ST8SIA2: variants seen among roughly 807,000 people sequenced by gnomAD.
ST8SIA2 encodes alpha-2,8-sialyltransferase 8B.
ST8SIA2 carries 22 observed loss-of-function variants against 37.6 expected under a neutral mutation model. The ratio of observed to expected loss-of-function variants is 0.58; its 90% confidence interval spans 0.42 to 0.83. The LOEUF is 0.83. Ranked by LOEUF, ST8SIA2 falls within the 40% of genes least tolerant of loss-of-function variation. The pLI is 0.00. For missense variants in ST8SIA2, 382 were observed against 484.7 expected (o/e 0.79, Z 1.99); for synonymous variants, 205 against 201.2 (o/e 1.02, Z -0.16).
chr15:92,413,075 A>G (rs1364829865), intron 1 of ST8SIA2, among the ~76,000 whole-genome samples: 1 of 152,048 alleles, frequency 6.6e-6, no homozygotes, highest in Non-Finnish European at 1.5e-5. Flanking sequence ...CGTTTGTTTC[A>G]TGTCCCCAAA....
chr15:92,445,414 A>G (rs145159631), intron 5 of ST8SIA2, among the ~76,000 whole-genome samples: 1 of 152,348 alleles, frequency 6.6e-6, no homozygotes, highest in East Asian at 1.9e-4. Flanking sequence ...AAATGAGATA[A>G]TGTACGTGAA....
At position 92,464,392 on chromosome 15, in the gene ST8SIA2, C is replaced by A. The variant is rs767818040; in HGVS notation, c.*7C>A. 6.2e-7 allele frequency: 1 copy of A among 1,613,130 alleles called. No homozygotes were observed. Among genetic ancestry groups the A allele is most frequent in the Non-Finnish European group, 8.5e-7 (1 of 1,180,030 alleles). On this transcript the variant is annotated 3_prime_UTR_variant, in exon 6 of 6. Coordinates refer to ENST00000268164, the MANE Select transcript of ST8SIA2 (RefSeq NM_006011.4). The stretch of plus-strand genomic sequence containing the variant: ...GTGCGATGGGGCCACGTAGGGTGGG[C>A]ACCCCATGGGACTCAGTGGCTCACA...
At chr15:92,462,946 C>G (rs1437077194) in intron 5 of ST8SIA2, among the ~76,000 whole-genome samples, 2 of 152,168 alleles carry the variant, frequency 1.3e-5, no homozygotes, top group Admixed American at 6.5e-5. Flanking sequence ...GGATGTTTTC[C>G]CACTTTGGGA....
Position 92,464,474 on chromosome 15 carries a change from C to T in ST8SIA2, c.*89C>T. The T allele has an allele frequency of 4.2e-6, 6 of 1,442,634 alleles. No individual in the cohort carries two copies. Among genetic ancestry groups the T allele is most frequent in the Non-Finnish European group, 5.8e-6 (6 of 1,026,290 alleles). The allele number at this position is 1,442,634 out of a possible 1,614,324, so 89.4% of individuals were successfully genotyped here. ...AGTCGGGGTGGCACAAACAATAGAA[C>T]AAGCAGGCTAGTGGTTTTCTTTGTT... On this transcript the variant is annotated 3_prime_UTR_variant, in exon 6 of 6. Transcript: ENST00000268164.
chr15:92,394,378 C>T (rs1354026455), intron 1 of ST8SIA2, among the ~76,000 whole-genome samples: 1 of 151,946 alleles, frequency 6.6e-6, no homozygotes, highest in Non-Finnish European at 1.5e-5. Flanking sequence ...TGTCCCCGGG[C>T]GGGGTTCACG....
In ST8SIA2 at chr15:92,444,807, C is replaced by G. The variant is rs747961515; in HGVS notation, c.720C>G (p.Ile240Met). Residue 240 changes from isoleucine (I) to methionine (M), a missense_variant, in exon 5 of 6, where the codon ATC becomes ATG. Ile to Met is a conservative substitution (Grantham distance 10). Coordinates refer to ENST00000268164, the MANE Select transcript of ST8SIA2 (RefSeq NM_006011.4). ...GCCTCAATGGCAGCATCCTGTGGAT[C>G]CCTGCCTTCATGGCCCGGGGCGGCA... ...LHSLNGSILW[I>M]PAFMARGGKE... is the part of the protein sequence containing the mutation. 6.2e-7 allele frequency: 1 copy of G among 1,614,176 alleles called. No individual in the cohort carries two copies. The highest frequency in any genetic ancestry group is 1.1e-5 in the South Asian group (1 of 91,088).
At chr15:92,398,172 T>C (rs1272560547) in intron 1 of ST8SIA2, among the ~76,000 whole-genome samples, 1 of 151,980 alleles carries the variant, frequency 6.6e-6, no homozygotes, top group Admixed American at 6.5e-5. Context: ...AGAAAGAAAC[T>C]CACTGAGCCT....
intron 4 of ST8SIA2, among the ~76,000 whole-genome samples, chr15:92,440,402 G>GGAC (rs1253641442): frequency 6.6e-6 from 1 of 152,168 alleles, no homozygotes; most frequent in Non-Finnish European, 1.5e-5. Context: ...GCACCCCAGG[G>GGAC]GACGCCACTG....
At chr15:92,438,648 C>T (rs758818319) in intron 4 of ST8SIA2, 38 bp downstream of exon 4, 18 of 1,556,072 alleles carry the variant, frequency 1.2e-5, no homozygotes, top group Middle Eastern at 1.7e-4. Context: ...GCCAGAGCGG[C>T]GGGCAGGCTG....
intron 1 of ST8SIA2, among the ~76,000 whole-genome samples, chr15:92,427,891 G>A (rs1322413515): frequency 6.6e-6 from 1 of 152,238 alleles, no homozygotes; most frequent in Admixed American, 6.5e-5. Context: ...GCTGAGGCAC[G>A]AGAATCACTT....
At chr15:92,395,321 T>C (rs1243395752) in intron 1 of ST8SIA2, among the ~76,000 whole-genome samples, 1 of 152,208 alleles carries the variant, frequency 6.6e-6, no homozygotes, top group Non-Finnish European at 1.5e-5. Context: ...GTTACTTCAT[T>C]TGTTATCTGT....
intron 4 of ST8SIA2, among the ~76,000 whole-genome samples, chr15:92,442,359 G>T (rs890062073): frequency 1.3e-5 from 2 of 152,174 alleles, no homozygotes; most frequent in African/African-American, 4.8e-5. Context: ...ATTACCCACA[G>T]CATCTTCCAG....
chr15:92,445,804 G>T, intron 5 of ST8SIA2, among the ~76,000 whole-genome samples: 1 of 152,114 alleles, frequency 6.6e-6, no homozygotes, highest in East Asian at 1.9e-4. Context: ...TTCCTATCAA[G>T]AAGTCCATGT....
At chr15:92,429,580 G>T (rs1469385879) in intron 1 of ST8SIA2, among the ~76,000 whole-genome samples, 1 of 152,214 alleles carries the variant, frequency 6.6e-6, no homozygotes, top group Non-Finnish European at 1.5e-5. Context: ...TAACCTTGCT[G>T]CCTCTGTTGA....
intron 5 of ST8SIA2, among the ~76,000 whole-genome samples, chr15:92,448,236 A>C (rs2049856274): frequency 6.6e-6 from 1 of 152,216 alleles, no homozygotes. Flanking sequence ...CAGGGGGAGA[A>C]GAAGGGGAAA....
chr15:92,464,373 T>C lies in ST8SIA2; in HGVS notation c.1116T>C (p.Asp372=), dbSNP rs772897312. Residue 372 remains aspartate, a synonymous_variant, in exon 6 of 6, where the codon GAT becomes GAC. Transcript: ENST00000268164. ...GALKLTVGQC[D]GAT is the part of the protein sequence containing the mutation. Reference sequence around the variant, plus strand: ...TGAAACTGACTGTCGGCCAGTGCGATGGGGCCACGTAGGGTGGGCACCCCA... The same window carrying C: ...TGAAACTGACTGTCGGCCAGTGCGACGGGGCCACGTAGGGTGGGCACCCCA... 6.2e-7 allele frequency: 1 copy of C among 1,613,660 alleles called. No individual in the cohort carries two copies. The highest frequency in any genetic ancestry group is 1.3e-5 in the African/African-American group (1 of 75,018).
At chr15:92,402,493 C>A (rs1596228284) in intron 1 of ST8SIA2, among the ~76,000 whole-genome samples, 1 of 152,044 alleles carries the variant, frequency 6.6e-6, no homozygotes, top group Admixed American at 6.5e-5. Context: ...GATAATTCTC[C>A]AAAAAACGAT....
chr15:92,412,981 A>G (rs1251339529), intron 1 of ST8SIA2, among the ~76,000 whole-genome samples: 1 of 147,638 alleles, frequency 6.8e-6, no homozygotes, highest in Non-Finnish European at 1.5e-5. Flanking sequence ...TCTTCTCAGC[A>G]TTGCCCAGTA....
chr15:92,435,700 G>C (rs975501849), intron 3 of ST8SIA2, among the ~76,000 whole-genome samples: 5 of 152,112 alleles, frequency 3.3e-5, no homozygotes, highest in Admixed American at 2.6e-4. Context: ...ACCATCTGAA[G>C]TAGCTGACTC....
Sources: gnomAD v4.1 joint callset for allele counts (sites outside exome capture counted in the v4.1 genomes callset) on GRCh38, gnomAD v4.1.1 for gene constraint, MANE v1.5 for transcripts, NCBI Gene and HGNC (gene_info 2026-07-23, HGNC 2026-07-21) for gene names.